The following USP9Y variants were observed in gnomAD, a reference collection of about 807,000 sequenced individuals.
USP9Y encodes the protein ubiquitin carboxyl-terminal hydrolase 9Y.
Under a neutral mutation model 53.1 loss-of-function variants are expected in USP9Y, and 41 were observed. The observed-to-expected ratio is 0.77, with a 90% CI of 0.60 to 1.00. The LOEUF (loss-of-function observed/expected upper bound fraction) is 1.00. Among genes scored for constraint, USP9Y ranks in the 50% least tolerant of loss-of-function variants. The pLI is 0.00. For synonymous variants in USP9Y, 220 were observed against 173.7 expected (o/e 1.27, Z -2.09); for missense variants, 567 against 535.8 (o/e 1.06, Z -0.58).
chrY:12,837,867 A>G, intron 34 of USP9Y, 44 bp from the exon 35 acceptor site: 1 of 275,325 alleles, frequency 3.6e-6, no homozygotes, highest in South Asian at 3.9e-5. Flanking sequence ...AACTAAACCT[A>G]TAGAATACAT....
At chrY:12,798,600 G>T (rs769505122) in intron 27 of USP9Y, among the ~76,000 whole-genome samples, 2 of 33,846 alleles carry the variant, frequency 5.9e-5, no homozygotes, top group East Asian at 1.6e-3. Flanking sequence ...GGAGGTCATG[G>T]TCATACACCA....
At chrY:12,844,797 T>C (rs2053565166) in intron 39 of USP9Y, among the ~76,000 whole-genome samples, 1 of 33,497 alleles carries the variant, frequency 3.0e-5, no homozygotes, top group Non-Finnish European at 7.4e-5. Flanking sequence ...ACAATGCGTT[T>C]GCCACACGTC....
chrY:12,733,349 T>G (rs2053448906), intron 7 of USP9Y, among the ~76,000 whole-genome samples: 1 of 28,316 alleles, frequency 3.5e-5, no homozygotes, highest in Non-Finnish European at 8.3e-5. Flanking sequence ...TTTTTTTTTT[T>G]GAGACAAAGC....
intron 14 of USP9Y, 138 bp from the exon 15 acceptor site, chrY:12,760,346 G>T: frequency 8.3e-5 from 15 of 181,634 alleles, no homozygotes; most frequent in Non-Finnish European, 1.4e-4. Context: ...TTAAGGGGAG[G>T]ATATTGACCA....
In USP9Y at chrY:12,842,256, G is replaced by A. The variant is rs756258319; in HGVS notation, c.6229G>A (p.Val2077Ile). The change falls in exon 38 of 46, where the codon GTT becomes ATT. Residue 2077 changes from valine to isoleucine, a missense_variant. By Grantham distance (29) the Val-to-Ile change is conservative. Coordinates refer to ENST00000338981, the MANE Select transcript of USP9Y (RefSeq NM_004654.4). ...PASDWYDALC[V>I]LLRHSKNVRF... ...CTGTTTTAGGTATGATGCACTGTGC[G>A]TTCTTCTCCGTCACAGCAAAAATGT... 8.8e-5 allele frequency: 35 copies of A among 395,783 alleles called. No homozygotes were observed. In the Admixed American group the frequency reaches 2.4e-3, roughly 27 times the overall value.
intron 12 of USP9Y, among the ~76,000 whole-genome samples, chrY:12,752,275 A>ACTCAGTGCTGGGTAGT (rs2053464787): frequency 3.0e-4 from 10 of 33,086 alleles, no homozygotes; most frequent in African/African-American, 8.3e-4. Context: ...TGAATTATTT[A>ACTCAGTGCTGGGTAGT]TTCACACATA....
At position 12,709,445 on chromosome Y, in the gene USP9Y, A is replaced by G; in HGVS notation, c.-3A>G. The G allele has an allele frequency of 2.5e-6, 1 of 394,111 alleles. No homozygotes were observed. On this transcript the variant is annotated 5_prime_UTR_variant, in exon 3 of 46. Coordinates refer to ENST00000338981, the MANE Select transcript of USP9Y (RefSeq NM_004654.4). The stretch of plus-strand genomic sequence containing the variant: ...AAGAGCAAAGATCTGTGCTGTGTCA[A>G]GTATGACAGCCATCACTCATGGCTC...
intron 35 of USP9Y, 79 bp from the exon 36 acceptor site, chrY:12,839,785 T>C: frequency 3.3e-6 from 1 of 305,663 alleles, no homozygotes; most frequent in East Asian, 1.0e-4. Context: ...GACTGTAAAC[T>C]TTAAAATTAA....
At chrY:12,800,816 A>G in intron 27 of USP9Y, among the ~76,000 whole-genome samples, 1 of 33,596 alleles carries the variant, frequency 3.0e-5, no homozygotes, top group Non-Finnish European at 7.4e-5. Flanking sequence ...AGAAAACCCA[A>G]TTTCCCCTGA....
At chrY:12,749,660 G>A (rs745873317) in intron 12 of USP9Y, among the ~76,000 whole-genome samples, 1 of 33,918 alleles carries the variant, frequency 2.9e-5, no homozygotes, top group African/African-American at 1.1e-4. Flanking sequence ...AGGAGCATTT[G>A]TTAAAAGATT....
intron 1 of USP9Y, among the ~76,000 whole-genome samples, 160 bp from the exon 2 acceptor site, chrY:12,708,473 AC>A (rs2053421491): frequency 3.0e-5 from 1 of 33,309 alleles, no homozygotes; most frequent in African/African-American, 1.2e-4. Flanking sequence ...TATAATTTAA[AC>A]CCTTTCCAAA....
intron 42 of USP9Y, among the ~76,000 whole-genome samples, chrY:12,851,924 C>T (rs2053571516): frequency 3.0e-5 from 1 of 33,324 alleles, no homozygotes; most frequent in Non-Finnish European, 7.4e-5. Flanking sequence ...GTGGTTAACT[C>T]GACCTTTCTC....
chrY:12,807,945 C>T, intron 27 of USP9Y, among the ~76,000 whole-genome samples: 1 of 32,793 alleles, frequency 3.0e-5, no homozygotes, highest in Non-Finnish European at 7.5e-5. Flanking sequence ...ATTAACACAC[C>T]CCTTTAATAC....
chrY:12,823,938 A>G (rs2053544106), intron 33 of USP9Y, among the ~76,000 whole-genome samples: 1 of 32,374 alleles, frequency 3.1e-5, no homozygotes, highest in South Asian at 6.8e-4. Flanking sequence ...TTTGGCAGAA[A>G]GGTAGTTAAA....
At chrY:12,773,024 A>G (rs771935164) in intron 16 of USP9Y, among the ~76,000 whole-genome samples, 1 of 33,314 alleles carries the variant, frequency 3.0e-5, no homozygotes, top group South Asian at 6.6e-4. Context: ...TCATTGTTTT[A>G]TTGTAGTGAA....
intron 15 of USP9Y, among the ~76,000 whole-genome samples, chrY:12,768,965 G>A (rs915947335): frequency 6.2e-5 from 2 of 32,389 alleles, no homozygotes; most frequent in African/African-American, 1.2e-4. Flanking sequence ...TTTGCACCTC[G>A]TCTATAAATT....
At chrY:12,718,153 C>T (rs2053432620) in intron 3 of USP9Y, among the ~76,000 whole-genome samples, 1 of 34,138 alleles carries the variant, frequency 2.9e-5, no homozygotes, top group Non-Finnish European at 7.3e-5. Flanking sequence ...CCTGCATCTG[C>T]AGTGGATTTT....
chrY:12,737,438 C>T, intron 10 of USP9Y, among the ~76,000 whole-genome samples: 1 of 32,795 alleles, frequency 3.0e-5, no homozygotes, highest in Non-Finnish European at 7.5e-5. Flanking sequence ...ATAAGCTTTA[C>T]CATAAAATAA....
chrY:12,788,332 G>T, intron 24 of USP9Y, among the ~76,000 whole-genome samples: 7 of 33,769 alleles, frequency 2.1e-4, no homozygotes, highest in Admixed American at 1.1e-3. Flanking sequence ...GACAATTTTG[G>T]TGTAAGAACA....
Sources: gnomAD v4.1 joint callset for allele counts (sites outside exome capture counted in the v4.1 genomes callset) on GRCh38, gnomAD v4.1.1 for gene constraint, MANE v1.5 for transcripts, NCBI Gene and HGNC (gene_info 2026-07-23, HGNC 2026-07-21) for gene names.